RBFOX1: variants seen among roughly 807,000 people sequenced by gnomAD.
The protein encoded by RBFOX1 is RNA binding protein fox-1 homolog 1.
In RBFOX1, 8 loss-of-function variants were observed where a neutral mutation model predicts 57.7. The ratio of observed to expected loss-of-function variants is 0.14; its 90% CI spans 0.08 to 0.25. The LOEUF is 0.25. Ranked by LOEUF, RBFOX1 falls within the 10% of genes least tolerant of loss-of-function variation. The probability of loss-of-function intolerance (pLI) is 1.00; values close to 1 mark genes in which losing one functional copy is unlikely to be tolerated. For synonymous variants in RBFOX1, 326 were observed against 222.4 expected, an observed-to-expected ratio of 1.47 and a Z score of -4.15; for missense variants, 611 against 548.5, an observed-to-expected ratio of 1.11 and a Z score of -1.14.
chr16:7,586,418 G>T (rs1478593730), intron 6 of RBFOX1, among the ~76,000 whole-genome samples: 2 of 152,016 alleles, frequency 1.3e-5, no homozygotes, highest in Non-Finnish European at 2.9e-5. Flanking sequence ...TTTCTCACTG[G>T]GACTTCCAGA....
chr16:7,190,385 T>A (rs1322308896), intron 4 of RBFOX1, among the ~76,000 whole-genome samples: 1 of 152,046 alleles, frequency 6.6e-6, no homozygotes, highest in South Asian at 2.1e-4. Context: ...TAATATAAAA[T>A]AAAAAATAAA....
chr16:6,795,735 T>C (rs193034015), intron 3 of RBFOX1, among the ~76,000 whole-genome samples: 8 of 150,678 alleles, frequency 5.3e-5, no homozygotes, highest in Admixed American at 2.6e-4. Flanking sequence ...CACTGCACTC[T>C]AGCCTGGGTG....
At chr16:6,406,229 C>G (rs1285702478) in intron 2 of RBFOX1, among the ~76,000 whole-genome samples, 1 of 152,184 alleles carries the variant, frequency 6.6e-6, no homozygotes, top group East Asian at 1.9e-4. Flanking sequence ...CTCAGATTCT[C>G]TTTACAGAGG....
At chr16:6,996,772 G>T (rs2092289522) in intron 3 of RBFOX1, among the ~76,000 whole-genome samples, 1 of 152,070 alleles carries the variant, frequency 6.6e-6, no homozygotes, top group South Asian at 2.1e-4. Context: ...CAGATAGAGG[G>T]ATTTAATTTT....
At chr16:7,177,177 T>C (rs2081845207) in intron 4 of RBFOX1, among the ~76,000 whole-genome samples, 1 of 152,202 alleles carries the variant, frequency 6.6e-6, no homozygotes, top group South Asian at 2.1e-4. Context: ...AGGAGTAGTT[T>C]TCCCCACATG....
chr16:7,302,150 C>G (rs2096050929), intron 4 of RBFOX1, among the ~76,000 whole-genome samples: 1 of 152,068 alleles, frequency 6.6e-6, no homozygotes, highest in Non-Finnish European at 1.5e-5. Flanking sequence ...GCTACTGTGT[C>G]CCTGATAAAT....
At chr16:7,260,271 C>G (rs181758062) in intron 4 of RBFOX1, among the ~76,000 whole-genome samples, 116 of 152,298 alleles carry the variant, frequency 7.6e-4, no homozygotes, top group Non-Finnish European at 1.3e-3. Flanking sequence ...TTAACTTGGA[C>G]TTGCCAGATA....
At chr16:6,244,317 C>G (rs761017554) in intron 1 of RBFOX1, among the ~76,000 whole-genome samples, 1 of 152,042 alleles carries the variant, frequency 6.6e-6, no homozygotes, top group South Asian at 2.1e-4. Flanking sequence ...CTTTGGACAT[C>G]TGCTCAACCC....
chr16:5,391,452 C>G (rs1485557770), intron 1 of RBFOX1, among the ~76,000 whole-genome samples: 3 of 152,174 alleles, frequency 2.0e-5, no homozygotes, highest in Admixed American at 6.5e-5. Flanking sequence ...TTCTCACACT[C>G]CACATGTAAG....
chr16:5,317,052 G>A (rs981853485), intron 1 of RBFOX1, among the ~76,000 whole-genome samples: 5 of 152,136 alleles, frequency 3.3e-5, no homozygotes, highest in African/African-American at 9.7e-5. Flanking sequence ...GACTTGCACC[G>A]ATAGCCTCCT....
At chr16:6,551,264 C>G (rs976236937) in intron 2 of RBFOX1, among the ~76,000 whole-genome samples, 1 of 152,174 alleles carries the variant, frequency 6.6e-6, no homozygotes, top group Non-Finnish European at 1.5e-5. Flanking sequence ...TGAGTAAATA[C>G]ATATGTGACT....
intron 2 of RBFOX1, among the ~76,000 whole-genome samples, chr16:6,417,352 G>C (rs1304987867): frequency 6.7e-6 from 1 of 149,698 alleles, no homozygotes; most frequent in Non-Finnish European, 1.5e-5. Flanking sequence ...CCTCTCTACT[G>C]ATTCTATGTT....
At chr16:7,174,584 T>G (rs1314626382) in intron 4 of RBFOX1, among the ~76,000 whole-genome samples, 1 of 152,094 alleles carries the variant, frequency 6.6e-6, no homozygotes, top group Non-Finnish European at 1.5e-5. Context: ...AGTTTGAGAT[T>G]AACCTGGTGT....
intron 4 of RBFOX1, among the ~76,000 whole-genome samples, chr16:7,135,995 C>G (rs2071831599): frequency 1.3e-5 from 2 of 152,192 alleles, no homozygotes; most frequent in South Asian, 4.1e-4. Flanking sequence ...AGGTGCTCTT[C>G]CTGTAAAGCA....
At chr16:7,493,129 T>G (rs985758510) in intron 4 of RBFOX1, among the ~76,000 whole-genome samples, 4 of 152,208 alleles carry the variant, frequency 2.6e-5, no homozygotes, top group African/African-American at 9.6e-5. Flanking sequence ...TTCGCCCGCC[T>G]CTGCCTCCCA....
intron 3 of RBFOX1, among the ~76,000 whole-genome samples, chr16:5,764,649 GCAA>G (rs2053713770): frequency 6.6e-6 from 1 of 152,082 alleles, no homozygotes; most frequent in Non-Finnish European, 1.5e-5. Context: ...GAAGAAAGAG[GCAA>G]TTATCAGTAA....
chr16:6,080,087 A>G (rs2095977278), intron 1 of RBFOX1, among the ~76,000 whole-genome samples: 1 of 152,188 alleles, frequency 6.6e-6, no homozygotes, highest in Non-Finnish European at 1.5e-5. Context: ...TCTAATGTAC[A>G]GTGGATATCT....
chr16:7,445,828 T>G (rs2098803548), intron 4 of RBFOX1, among the ~76,000 whole-genome samples: 1 of 152,198 alleles, frequency 6.6e-6, no homozygotes, highest in Non-Finnish European at 1.5e-5. Flanking sequence ...TATAGAACCT[T>G]TATCTCAATA....
At chr16:7,569,269 C>T (rs2092505761) in intron 5 of RBFOX1, among the ~76,000 whole-genome samples, 1 of 152,168 alleles carries the variant, frequency 6.6e-6, no homozygotes, top group Admixed American at 6.5e-5. Context: ...AGAAGTGTAG[C>T]ATGGGAATCA....
Sources: allele counts gnomAD v4.1 joint callset (sites outside exome capture counted in the v4.1 genomes callset), GRCh38; gene constraint gnomAD v4.1.1; transcripts MANE v1.5; gene names NCBI Gene and HGNC (gene_info 2026-07-23, HGNC 2026-07-21).